Variants in ADGRB3 observed in about 807,000 individuals in gnomAD.
ADGRB3 encodes adhesion G protein-coupled receptor B3.
A neutral mutation model predicts 193.4 loss-of-function variants in ADGRB3; 37 were observed. That is an observed-to-expected ratio of 0.19 (90% CI 0.15 to 0.25). The LOEUF is 0.25. Ranked by LOEUF, ADGRB3 falls within the 10% of genes least tolerant of loss-of-function variation. ADGRB3 has a pLI of 1.00. For missense variants in ADGRB3, 1,637 were observed against 1,852.9 expected, an observed-to-expected ratio of 0.88 and a Z score of 2.14; for synonymous variants, 690 against 644.2, an observed-to-expected ratio of 1.07 and a Z score of -1.08.
chr6:68,867,005 A>G (rs1312986880), intron 3 of ADGRB3, among the ~76,000 whole-genome samples: 3 of 152,208 alleles, frequency 2.0e-5, no homozygotes, highest in Admixed American at 6.5e-5. Flanking sequence ...CAGACTGACC[A>G]TGTGGTAGAA....
At chr6:68,995,209 G>A (rs1769351009) in intron 11 of ADGRB3, among the ~76,000 whole-genome samples, 1 of 152,094 alleles carries the variant, frequency 6.6e-6, no homozygotes, top group Admixed American at 6.5e-5. Context: ...AGTTTTAAAT[G>A]TTAATAAAGT....
chr6:68,810,396 C>T (rs746859083), intron 3 of ADGRB3, among the ~76,000 whole-genome samples: 8 of 152,186 alleles, frequency 5.3e-5, no homozygotes, highest in Non-Finnish European at 7.3e-5. Context: ...AACTACCTAT[C>T]CTGGACAAGG....
chr6:69,018,733 C>T lies in ADGRB3; in HGVS notation c.2107+234C>T, dbSNP rs1770170246. Among the ~76,000 whole-genome samples the T allele has an allele frequency of 2.0e-5, 3 of 151,814 alleles. No individual in the cohort carries two copies. The South Asian group carries it at 6.3e-4, about 32-fold the overall frequency. ...TGCATTTGTATGATTGCTTGTAGGCCTATTTTTGTGTATCTTTACATGTAT... is the reference window on the plus strand; with the variant it reads ...TGCATTTGTATGATTGCTTGTAGGCTTATTTTTGTGTATCTTTACATGTAT... On this transcript the variant is annotated intron_variant, in intron 13 of 31. Transcript: ENST00000370598.
At chr6:68,979,731 T>C (rs1768852990) in intron 10 of ADGRB3, among the ~76,000 whole-genome samples, 2 of 151,504 alleles carry the variant, frequency 1.3e-5, no homozygotes, top group Non-Finnish European at 3.0e-5. Context: ...TTATTACTTA[T>C]AAGCTATTTG....
rs576338364 is a variant in ADGRB3 at position 69,322,432 on chromosome 6, G to A, written c.2815-2440G>A. On this transcript the variant is annotated intron_variant, in intron 20 of 31. Transcript: ENST00000370598. The stretch of plus-strand genomic sequence containing the variant: ...TAGGTCTCTGAGGAATCGCCACACT[G>A]TCTTCAACAATGGCTGAACCATTTA... Among the ~76,000 whole-genome samples the A allele has an allele frequency of 3.3e-5, 5 of 152,006 alleles. No homozygotes were observed. In the South Asian group the frequency reaches 8.3e-4, roughly 25 times the overall value.
At chr6:68,708,069 G>A (rs944732545) in intron 3 of ADGRB3, among the ~76,000 whole-genome samples, 7 of 152,162 alleles carry the variant, frequency 4.6e-5, no homozygotes, top group African/African-American at 1.7e-4. Context: ...CACTTATTCT[G>A]AGGCAGAATT....
At chr6:69,014,218 T>A in intron 12 of ADGRB3, 112 bp downstream of exon 12, 1 of 728,020 alleles carries the variant, frequency 1.4e-6, no homozygotes, top group Non-Finnish European at 2.2e-6. Flanking sequence ...TAAGTCAGTC[T>A]AGGTTATATC....
At chr6:68,645,393 G>A (rs1372251471) in intron 3 of ADGRB3, among the ~76,000 whole-genome samples, 1 of 152,130 alleles carries the variant, frequency 6.6e-6, no homozygotes, top group East Asian at 1.9e-4. Flanking sequence ...GTTCCTGTCA[G>A]TGCCTGTGGA....
intron 24 of ADGRB3, among the ~76,000 whole-genome samples, chr6:69,334,012 AAAAT>A (rs1768788246): frequency 7.7e-6 from 1 of 130,530 alleles, no homozygotes; most frequent in Non-Finnish European, 1.6e-5. Flanking sequence ...AAAATAAAAT[AAAAT>A]AAAAAATATG....
intron 8 of ADGRB3, among the ~76,000 whole-genome samples, chr6:68,957,790 A>G (rs1768114317): frequency 6.6e-6 from 1 of 152,146 alleles, no homozygotes; most frequent in African/African-American, 2.4e-5. Context: ...AAAGCTTTGT[A>G]TTTTTCCAAA....
chr6:69,293,640 T>G (rs1767742207), intron 20 of ADGRB3, among the ~76,000 whole-genome samples: 1 of 152,098 alleles, frequency 6.6e-6, no homozygotes, highest in South Asian at 2.1e-4. Context: ...ACACTACAGA[T>G]CTTACATTCC....
intron 3 of ADGRB3, among the ~76,000 whole-genome samples, chr6:68,661,337 ATATATG>A (rs1429986143): frequency 8.6e-6 from 1 of 116,036 alleles, no homozygotes; most frequent in African/African-American, 3.5e-5. Context: ...ATATATATAT[ATATATG>A]TGTGTGTGTG....
intron 17 of ADGRB3, among the ~76,000 whole-genome samples, chr6:69,147,825 G>C (rs1030275508): frequency 2.6e-5 from 4 of 152,138 alleles, no homozygotes; most frequent in African/African-American, 9.7e-5. Flanking sequence ...TGGTGATCCA[G>C]TGTTCAGTGC....
intron 20 of ADGRB3, among the ~76,000 whole-genome samples, chr6:69,307,178 CT>C (rs1412753830): frequency 3.3e-5 from 5 of 151,408 alleles, no homozygotes; most frequent in African/African-American, 1.2e-4. Context: ...GTAACTGCTC[CT>C]TTTCGTTGAC....
chr6:68,956,684 G>T lies in ADGRB3; in HGVS notation c.1400G>T (p.Cys467Phe), dbSNP rs755657156. Residue 467 changes from cysteine (C) to phenylalanine (F), a missense_variant, in exon 8 of 32, where the codon TGT (cysteine) becomes TTT (phenylalanine). Around this residue, in one of 7 missense-constraint regions of ADGRB3, gnomAD observed 641 missense variants for 673.9 expected, o/e 0.95. Coordinates refer to ENST00000370598, the MANE Select transcript of ADGRB3 (RefSeq NM_001704.3). ...QWNQWGHWSG[C>F]SKSCDGGWER... ...AATCAGTGGGGTCATTGGAGTGGTTGTTCCAAGTCCTGTGATGGCGGCTGG... is the reference window on the plus strand; with the variant it reads ...AATCAGTGGGGTCATTGGAGTGGTTTTTCCAAGTCCTGTGATGGCGGCTGG... 2 of 1,614,008 alleles carry T rather than the reference G, an allele frequency of 1.2e-6. No homozygotes were observed. Among genetic ancestry groups the T allele is most frequent in the Non-Finnish European group, 8.5e-7 (1 of 1,179,970 alleles).
intron 3 of ADGRB3, among the ~76,000 whole-genome samples, chr6:68,915,846 T>C (rs577757803): frequency 3.4e-4 from 51 of 152,102 alleles, no homozygotes; most frequent in Non-Finnish European, 7.1e-4. Context: ...TATGCTGTCA[T>C]GATTCAGTAA....
In ADGRB3 at chr6:69,235,155, A is replaced by T. The variant is rs543067908; in HGVS notation, c.2711+20A>T. On this transcript the variant is annotated intron_variant, in intron 19 of 31. Coordinates refer to ENST00000370598, the MANE Select transcript of ADGRB3 (RefSeq NM_001704.3). Reference sequence around the variant, plus strand: ...ATGGAGGTAAGTAATCAATTGATAGACCTGAAATGCAATGCTTAGTTGTTC... The same window carrying T: ...ATGGAGGTAAGTAATCAATTGATAGTCCTGAAATGCAATGCTTAGTTGTTC... The T allele has an allele frequency of 6.6e-7, 1 of 1,517,930 alleles. No homozygotes were observed. Among genetic ancestry groups the T allele is most frequent in the African/African-American group, 1.4e-5 (1 of 72,778 alleles). The allele number at this position is 1,517,930 out of a possible 1,614,324, so 94.0% of individuals were successfully genotyped here.
At chr6:69,058,948 C>T (rs1771631908) in intron 15 of ADGRB3, among the ~76,000 whole-genome samples, 1 of 151,882 alleles carries the variant, frequency 6.6e-6, no homozygotes, top group Admixed American at 6.6e-5. Context: ...TCTGCATGTG[C>T]CTGTTAGGTC....
At chr6:69,293,333 G>A (rs1767733943) in intron 20 of ADGRB3, among the ~76,000 whole-genome samples, 2 of 151,898 alleles carry the variant, frequency 1.3e-5, no homozygotes, top group Admixed American at 6.6e-5. Flanking sequence ...TTATTTCCTA[G>A]ACCCGAGGCT....
Sources: allele counts gnomAD v4.1 joint callset (sites outside exome capture counted in the v4.1 genomes callset), GRCh38; gene constraint gnomAD v4.1.1; regional missense constraint gnomAD v4.1.1; transcripts MANE v1.5; gene names NCBI Gene and HGNC (gene_info 2026-07-23, HGNC 2026-07-21).